EXD3: variants seen among roughly 807,000 people sequenced by gnomAD.
EXD3 encodes exonuclease mut-7 homolog.
In EXD3, 92 loss-of-function variants were observed where a neutral mutation model predicts 98.0. The observed-to-expected ratio is 0.94, with a 90% confidence interval of 0.79 to 1.12. EXD3 has a LOEUF of 1.12. EXD3 is among the 50% of genes most tolerant of loss of function. The pLI is 0.00. For missense variants in EXD3, 1,222 were observed against 1,191.6 expected, an observed-to-expected ratio of 1.03 and a Z score of -0.38; for synonymous variants, 569 against 526.0, an observed-to-expected ratio of 1.08 and a Z score of -1.12.
chr9:137,309,154 C>T lies in EXD3; in HGVS notation c.2278+453G>A, dbSNP rs1936386800. Among the ~76,000 whole-genome samples, 2 of 152,324 alleles carry T rather than the reference C, an allele frequency of 1.3e-5. 1 individual carries two copies. Among genetic ancestry groups the T allele is most frequent in the Middle Eastern group, 6.8e-3 (2 of 294 alleles). ...TGCAAAGTCCTTGGGCGGCCTGCAC[C>T]CTCCACAGGAGGAGAAAGAAGCCCT... On this transcript the variant is annotated intron_variant, in intron 20 of 21. Transcript: ENST00000340951.
intron 3 of EXD3, among the ~76,000 whole-genome samples, chr9:137,382,063 G>A (rs1836319217): frequency 6.8e-6 from 1 of 147,748 alleles, no homozygotes; most frequent in South Asian, 2.1e-4. Context: ...GCGCGCGGAG[G>A]AGGTGAGGGC....
In EXD3 at chr9:137,372,904, C is replaced by G; in HGVS notation, c.462+1G>C. 6.3e-7 allele frequency: 1 copy of G among 1,598,140 alleles called. No homozygotes were observed. The highest frequency in any genetic ancestry group is 1.1e-5 in the South Asian group (1 of 91,016). ...TGAGCCCGGCCACGTGGGCCACTCACTTCTCTGAACCTGCCCTCGTGGTGG... is the reference window on the plus strand; with the variant it reads ...TGAGCCCGGCCACGTGGGCCACTCAGTTCTCTGAACCTGCCCTCGTGGTGG... On this transcript the variant is annotated splice_donor_variant, in intron 5 of 21. Coordinates refer to ENST00000340951, the MANE Select transcript of EXD3 (RefSeq NM_017820.5). LOFTEE classifies it high-confidence loss of function.
In EXD3 at chr9:137,377,479, A is replaced by C. The variant is rs553451887; in HGVS notation, c.121-3880T>G. On this transcript the variant is annotated intron_variant, in intron 3 of 21. Coordinates refer to ENST00000340951, the MANE Select transcript of EXD3 (RefSeq NM_017820.5). ...AAAAAAAAAGGGAAAGGCAGATTTC[A>C]AAAAGGACCTAAGGCTGGGTGTGGT... 4.7e-5 allele frequency among the ~76,000 whole-genome samples: 7 copies of C among 150,182 alleles called. No homozygotes were observed. In the East Asian group the frequency reaches 1.4e-3, roughly 29 times the overall value.
chr9:137,324,255 CT>C lies in EXD3; in HGVS notation c.1999-113del. On this transcript the variant is annotated intron_variant, in intron 17 of 21. Coordinates refer to ENST00000340951, the MANE Select transcript of EXD3 (RefSeq NM_017820.5). This position sits in a 1 kb window ranked among gnomAD's most constrained non-coding sequence, Gnocchi z 4.1. ...CGGATCGTGGCCCTGCCCCAGGCCCCTTTTGTCCTCCAGGGTGGCCTCTGCC... is the reference window on the plus strand; with the variant it reads ...CGGATCGTGGCCCTGCCCCAGGCCCCTTTGTCCTCCAGGGTGGCCTCTGCC... 1 of 913,418 alleles carries C rather than the reference CT, an allele frequency of 1.1e-6. No individual in the cohort carries two copies. Among genetic ancestry groups the C allele is most frequent in the African/African-American group, 1.7e-5 (1 of 60,500 alleles). 56.6% of individuals were successfully genotyped at this position (913,418 alleles called of 1,614,324 possible). A position where few individuals can be genotyped will look rare whatever the true frequency, so the allele number is the denominator to read the frequency against.
chr9:137,401,790 T>C (rs998836528), intron 1 of EXD3, among the ~76,000 whole-genome samples: 5 of 152,126 alleles, frequency 3.3e-5, no homozygotes, highest in African/African-American at 1.2e-4. Context: ...CACTTTTTCC[T>C]CCCGGGCCTC....
chr9:137,318,135 C>G (rs997025568), intron 19 of EXD3, among the ~76,000 whole-genome samples: 1 of 152,192 alleles, frequency 6.6e-6, no homozygotes, highest in Non-Finnish European at 1.5e-5. Context: ...AAGCCCCTGT[C>G]CACGGCAGGC....
intron 20 of EXD3, among the ~76,000 whole-genome samples, chr9:137,309,201 G>T (rs1004366508): frequency 3.9e-5 from 6 of 152,208 alleles, no homozygotes; most frequent in African/African-American, 1.4e-4. Context: ...CCCAGGCAGG[G>T]AAACAGGCTG....
chr9:137,421,589 C>A (rs1029813777), intron 1 of EXD3, among the ~76,000 whole-genome samples: 14 of 152,220 alleles, frequency 9.2e-5, no homozygotes, highest in African/African-American at 3.4e-4. Flanking sequence ...ATAACCCCAG[C>A]ACTTTGGGAG....
intron 17 of EXD3, among the ~76,000 whole-genome samples, chr9:137,331,359 TCTCACCCTCCCACA>T (rs1215126021): frequency 6.6e-6 from 1 of 151,864 alleles, no homozygotes; most frequent in African/African-American, 2.4e-5. Flanking sequence ...AAGGATGCCC[TCTCACCCTCCCACA>T]CTCACCCTCC....
chr9:137,324,073 A>C lies in EXD3; in HGVS notation c.2052+17T>G, dbSNP rs377289061. On this transcript the variant is annotated intron_variant, in intron 18 of 21. Coordinates refer to ENST00000340951, the MANE Select transcript of EXD3 (RefSeq NM_017820.5). This position sits in a 1 kb window ranked among gnomAD's most constrained non-coding sequence, Gnocchi z 4.1. The stretch of plus-strand genomic sequence containing the variant: ...GATGGGGCTCAGGCCCACTGAGCTT[A>C]TCTTTGGGACACTCACCTTGTGGAA... 1 of 1,580,260 alleles carries C rather than the reference A, an allele frequency of 6.3e-7. No individual in the cohort carries two copies. The highest frequency in any genetic ancestry group is 8.6e-7 in the Non-Finnish European group (1 of 1,163,904).
Position 137,387,292 on chromosome 9 carries a change from C to T in EXD3, c.56-3915G>A, listed in dbSNP as rs901349540. Among the ~76,000 whole-genome samples the T allele has an allele frequency of 2.2e-4, 33 of 152,280 alleles. No homozygotes were observed. In the East Asian group the frequency reaches 3.7e-3, roughly 17 times the overall value. On this transcript the variant is annotated intron_variant, in intron 2 of 21. Transcript: ENST00000340951. ...TGGCCGGTGCACGATGGACACTCCA[C>T]GGTGCCCGCCCCAGCCATTCCAGGG...
chr9:137,334,752 G>T lies in EXD3; in HGVS notation c.1999-10609C>A, dbSNP rs550650745. Reference sequence around the variant, plus strand: ...AAATGTGACCTAATTCAACTAAAAAGCTTCTGCACAGCAAAAGAAATAATC... The same window carrying T: ...AAATGTGACCTAATTCAACTAAAAATCTTCTGCACAGCAAAAGAAATAATC... On this transcript the variant is annotated intron_variant, in intron 17 of 21. Transcript: ENST00000340951. Among the ~76,000 whole-genome samples, 3 of 152,266 alleles carry T rather than the reference G, an allele frequency of 2.0e-5. No homozygotes were observed. In the South Asian group the frequency reaches 6.2e-4, roughly 32 times the overall value.
chr9:137,350,570 G>T (rs867960511), intron 14 of EXD3, among the ~76,000 whole-genome samples: 248 of 79,076 alleles, frequency 3.1e-3, no homozygotes, highest in Admixed American at 4.7e-3. Flanking sequence ...GGGATCACGG[G>T]GAAGGTGCTA....
At chr9:137,409,056 C>T (rs1193560624) in intron 1 of EXD3, among the ~76,000 whole-genome samples, 2 of 152,262 alleles carry the variant, frequency 1.3e-5, no homozygotes, top group African/African-American at 4.8e-5. Context: ...GGAATTCCAT[C>T]ACCATGCTGC....
rs879666586 is a variant in EXD3 at position 137,382,015 on chromosome 9, A to ACGCGGGGAGGAGGTGAGGG, written c.120+1279_120+1297dup. On this transcript the variant is annotated intron_variant, in intron 3 of 21. Coordinates refer to ENST00000340951, the MANE Select transcript of EXD3 (RefSeq NM_017820.5). ...GTGAGGACGCGGGGAGGAGGTGAGG[A>ACGCGGGGAGGAGGTGAGGG]CGCGGGGAGGAGGTGAGGGCGCGGG... Among the ~76,000 whole-genome samples the ACGCGGGGAGGAGGTGAGGG allele has an allele frequency of 3.3e-3, 196 of 59,770 alleles. 4 individuals are homozygous for ACGCGGGGAGGAGGTGAGGG. The highest frequency in any genetic ancestry group is 0.012 in the African/African-American group (157 of 12,914). The allele number at this position is 59,770 out of a possible 152,430, so 39.2% of individuals were successfully genotyped here.
At position 137,318,892 on chromosome 9, in the gene EXD3, G is replaced by A. The variant is rs142832257; in HGVS notation, c.2184+4833C>T. ...GGCCCAGCTTTGGGCTCAGCCATGA[G>A]CGCTGTTGCTCACTCCCTGCTGTGT... On this transcript the variant is annotated intron_variant, in intron 19 of 21. Transcript: ENST00000340951. Among the ~76,000 whole-genome samples, 742 of 152,358 alleles carry A rather than the reference G, an allele frequency of 4.9e-3. 6 individuals carry two copies. The highest frequency in any genetic ancestry group is 0.017 in the African/African-American group (698 of 41,594).
intron 2 of EXD3, among the ~76,000 whole-genome samples, chr9:137,386,660 C>T (rs1836605655): frequency 6.6e-6 from 1 of 152,138 alleles, no homozygotes; most frequent in African/African-American, 2.4e-5. Flanking sequence ...CCAGGGCCCA[C>T]CACATCCTCC....
In EXD3 at chr9:137,403,882, G is replaced by A. The variant is rs372651774; in HGVS notation, c.-47-8478C>T. The stretch of plus-strand genomic sequence containing the variant: ...GACCTGTGGGATAGGGATGGGTCCC[G>A]AGGCGGGGCAGTCACACCCCCACGC... On this transcript the variant is annotated intron_variant, in intron 1 of 21. Transcript: ENST00000340951. The surrounding 1 kb of genome is among the most constrained non-coding windows in gnomAD (Gnocchi z 6.1). 5.9e-4 allele frequency among the ~76,000 whole-genome samples: 90 copies of A among 152,328 alleles called. No homozygotes were observed. Among genetic ancestry groups the A allele is most frequent in the Non-Finnish European group, 1.0e-3 (69 of 68,020 alleles).
At chr9:137,351,225 C>A in intron 13 of EXD3, 78 bp from the exon 14 acceptor site, 1 of 1,531,652 alleles carries the variant, frequency 6.5e-7, no homozygotes, top group Non-Finnish European at 8.8e-7. Context: ...GTGCACCCAG[C>A]ACCCTCCCCG....
Sources: gnomAD v4.1 joint callset for allele counts (sites outside exome capture counted in the v4.1 genomes callset) on GRCh38, gnomAD v4.1.1 for gene constraint, Gnocchi (gnomAD v3.1) non-coding constraint, MANE v1.5 for transcripts, NCBI Gene and HGNC (gene_info 2026-07-23, HGNC 2026-07-21) for gene names.